The following OXSR1 variants were observed in gnomAD, a reference collection of about 807,000 sequenced individuals.
The protein encoded by OXSR1 is oxidative stress responsive kinase 1.
OXSR1 carries 24 observed loss-of-function variants against 79.8 expected under a neutral mutation model. That is an observed-to-expected ratio of 0.30 (90% CI 0.22 to 0.42). OXSR1 has a LOEUF of 0.42. Ranked by LOEUF, OXSR1 falls within the 10% of genes least tolerant of loss-of-function variation. OXSR1 has a pLI of 1.00. For synonymous variants in OXSR1, 226 were observed against 209.2 expected, an observed-to-expected ratio of 1.08 and a Z score of -0.69; for missense variants, 430 against 618.4, an observed-to-expected ratio of 0.70 and a Z score of 3.23.
chr3:38,221,509 G>A (rs1702589372), intron 5 of OXSR1, 69 bp from the exon 6 acceptor site: 2 of 831,134 alleles, frequency 2.4e-6, no homozygotes. Flanking sequence ...TCACTACATT[G>A]TATTGTTTTC....
At chr3:38,197,301 G>T (rs1267514813) in intron 3 of OXSR1, among the ~76,000 whole-genome samples, 1 of 152,232 alleles carries the variant, frequency 6.6e-6, no homozygotes, top group Non-Finnish European at 1.5e-5. Context: ...TGGAGGTGAA[G>T]AGTTAGTAGG....
At chr3:38,170,322 A>G (rs1575302392) in intron 1 of OXSR1, among the ~76,000 whole-genome samples, 1 of 152,146 alleles carries the variant, frequency 6.6e-6, no homozygotes, top group Non-Finnish European at 1.5e-5. Context: ...TTGGGGTTAC[A>G]GGTGTGAGCC....
chr3:38,221,380 A>G (rs1177006700), intron 5 of OXSR1, among the ~76,000 whole-genome samples, 198 bp from the exon 6 acceptor site: 1 of 152,108 alleles, frequency 6.6e-6, no homozygotes, highest in Non-Finnish European at 1.5e-5. Flanking sequence ...TTGGCCTCCC[A>G]GAGTGTTGGG....
In OXSR1 at chr3:38,224,565, T is replaced by C. The variant is rs1479053675; in HGVS notation, c.703-6T>C. On this transcript the variant is annotated splice_polypyrimidine_tract_variant and splice_region_variant and intron_variant, in intron 7 of 17. Transcript: ENST00000311806. ...CAAGTTTATAGTATATTGAAAATTC[T>C]TGCAGGTTTTAATGCTGACACTGCA... 1 of 1,576,688 alleles carries C rather than the reference T, an allele frequency of 6.3e-7. No homozygotes were observed. The highest frequency in any genetic ancestry group is 8.6e-7 in the Non-Finnish European group (1 of 1,168,444).
chr3:38,176,337 G>T (rs190504065), intron 1 of OXSR1, among the ~76,000 whole-genome samples: 17 of 152,066 alleles, frequency 1.1e-4, no homozygotes, highest in Admixed American at 9.2e-4. Flanking sequence ...GCAAAATATT[G>T]GTGAATAGTT....
upstream of OXSR1, chr3:38,165,456 G>A: frequency 5.2e-6 from 1 of 191,044 alleles, no homozygotes; most frequent in Non-Finnish European, 1.1e-5. Context: ...GGCGGCCGGA[G>A]GCGGGCCCGA....
At chr3:38,194,765 C>T (rs1702043859) in intron 3 of OXSR1, among the ~76,000 whole-genome samples, 1 of 152,004 alleles carries the variant, frequency 6.6e-6, no homozygotes, top group African/African-American at 2.4e-5. Context: ...TAAGCAAAGA[C>T]TCCCAAAATT....
chr3:38,247,298 C>T (rs1410359357), intron 13 of OXSR1, among the ~76,000 whole-genome samples: 2 of 152,072 alleles, frequency 1.3e-5, no homozygotes, highest in African/African-American at 4.8e-5. Flanking sequence ...TCAGGGTCTA[C>T]CTTTTGTACT....
intron 16 of OXSR1, 55 bp downstream of exon 16, chr3:38,251,526 T>C (rs757131950): frequency 3.6e-6 from 5 of 1,396,074 alleles, no homozygotes; most frequent in Non-Finnish European, 5.1e-6. Context: ...GTATACTTAG[T>C]ACATAGAAAA....
At chr3:38,189,640 T>C (rs1319913957) in intron 2 of OXSR1, among the ~76,000 whole-genome samples, 2 of 152,210 alleles carry the variant, frequency 1.3e-5, no homozygotes, top group Non-Finnish European at 2.9e-5. Context: ...GGTACATTAA[T>C]AGGTGAAAAG....
At chr3:38,166,467 C>T (rs1480495333) in intron 1 of OXSR1, among the ~76,000 whole-genome samples, 2 of 151,982 alleles carry the variant, frequency 1.3e-5, no homozygotes, top group East Asian at 1.9e-4. Flanking sequence ...ACTTTCCAGT[C>T]GGGGAGGTAG....
At chr3:38,250,775 C>T (rs916949379) in intron 15 of OXSR1, among the ~76,000 whole-genome samples, 4 of 152,140 alleles carry the variant, frequency 2.6e-5, no homozygotes, top group African/African-American at 9.7e-5. Flanking sequence ...GGAATTAATT[C>T]AAATTGCTGG....
chr3:38,197,081 ACTTTG>A (rs1369104921), intron 3 of OXSR1, among the ~76,000 whole-genome samples: 1 of 152,186 alleles, frequency 6.6e-6, no homozygotes, highest in African/African-American at 2.4e-5. Context: ...TGGTATAATC[ACTTTG>A]CTTTGGGGAT....
intron 8 of OXSR1, among the ~76,000 whole-genome samples, chr3:38,227,749 C>T (rs1377474157): frequency 1.3e-5 from 2 of 152,076 alleles, no homozygotes; most frequent in Non-Finnish European, 2.9e-5. Flanking sequence ...CAGTGTCCCC[C>T]TTCTTCCACT....
chr3:38,234,392 GC>G (rs1185865849), intron 10 of OXSR1, among the ~76,000 whole-genome samples: 1 of 151,984 alleles, frequency 6.6e-6, no homozygotes, highest in East Asian at 1.9e-4. Flanking sequence ...AAGAACTTTT[GC>G]AACTCAATAA....
chr3:38,207,997 T>C (rs1431662335), intron 4 of OXSR1, among the ~76,000 whole-genome samples: 1 of 148,312 alleles, frequency 6.7e-6, no homozygotes, highest in African/African-American at 2.5e-5. Context: ...GGCCAATTAG[T>C]AGTCTGTGGC....
At chr3:38,244,666 T>TGCGCGC (rs1553639105) in intron 12 of OXSR1, among the ~76,000 whole-genome samples, 1 of 143,956 alleles carries the variant, frequency 6.9e-6, no homozygotes, top group Non-Finnish European at 1.5e-5. Context: ...TGTGTGTGTG[T>TGCGCGC]GCGTGCGCAT....
Position 38,165,910 on chromosome 3 carries a change from A to G in OXSR1, c.34A>G (p.Ile12Val). 1 of 1,611,704 alleles carries G rather than the reference A, an allele frequency of 6.2e-7. No individual in the cohort carries two copies. The highest frequency in any genetic ancestry group is 1.1e-5 in the South Asian group (1 of 90,906). The change falls in exon 1 of 18, where the codon ATC becomes GTC. Residue 12 changes from isoleucine (I) to valine (V), a missense_variant. Ile to Val is a conservative substitution (Grantham distance 29, BLOSUM62 3). Coordinates refer to ENST00000311806, the MANE Select transcript of OXSR1 (RefSeq NM_005109.3). ...SEDSSALPWSINRDDYELQEV... is the reference protein window; with the variant it reads ...SEDSSALPWSVNRDDYELQEV... Reference sequence around the variant, plus strand: ...GGACTCGAGCGCCCTGCCCTGGTCCATCAACAGGGACGATTACGAGCTGCA... The same window carrying G: ...GGACTCGAGCGCCCTGCCCTGGTCCGTCAACAGGGACGATTACGAGCTGCA...
intron 5 of OXSR1, among the ~76,000 whole-genome samples, chr3:38,219,158 G>T (rs1175884738): frequency 2.0e-5 from 3 of 152,064 alleles, no homozygotes; most frequent in Non-Finnish European, 2.9e-5. Flanking sequence ...GAATATTTTG[G>T]TAAAGGGGGT....
Sources: gnomAD v4.1 joint callset for allele counts (sites outside exome capture counted in the v4.1 genomes callset) on GRCh38, gnomAD v4.1.1 for gene constraint, MANE v1.5 for transcripts, NCBI Gene and HGNC (gene_info 2026-07-23, HGNC 2026-07-21) for gene names.